Variants in SNRPG observed in about 807,000 individuals in gnomAD.
The protein encoded by SNRPG is small nuclear ribonucleoprotein G.
SNRPG carries 3 observed loss-of-function variants against 13.9 expected under a neutral mutation model. That is an observed-to-expected ratio of 0.22 (90% CI 0.10 to 0.56). The LOEUF (loss-of-function observed/expected upper bound fraction) is 0.56, where lower values mean the gene tolerates loss of function less well. SNRPG is among the 20% of genes least tolerant of loss of function. The probability of loss-of-function intolerance (pLI) is 0.93; values close to 1 mark genes in which losing one functional copy is unlikely to be tolerated. For synonymous variants in SNRPG, 29 were observed against 29.3 expected (o/e 0.99, Z 0.03); for missense variants, 34 against 96.1 (o/e 0.35, Z 2.70).
intron 1 of SNRPG, among the ~76,000 whole-genome samples, chr2:70,290,587 A>C (rs1697058618): frequency 1.3e-5 from 2 of 152,046 alleles, no homozygotes; most frequent in Non-Finnish European, 2.9e-5. Flanking sequence ...TGGGCCACGA[A>C]GTGGGGCACT....
rs545499518 is a variant in SNRPG, at chr2:70,293,487, C to G, written c.32+131G>C. 1.4e-3 allele frequency: 1,228 copies of G among 868,736 alleles called. 2 individuals carry two copies. Among genetic ancestry groups the G allele is most frequent in the Middle Eastern group, 2.6e-3 (12 of 4,596 alleles). The allele number at this position is 868,736 out of a possible 1,614,324, so 53.8% of individuals were successfully genotyped here. On this transcript the variant is annotated intron_variant, in intron 1 of 3. Coordinates refer to ENST00000272348, the MANE Select transcript of SNRPG (RefSeq NM_003096.4). The stretch of plus-strand genomic sequence containing the variant: ...TCATGCGCGGGAGCCTGGCCGGGAT[C>G]CCGGCGACCTCGGACCGGAAGAAGA...
intron 3 of SNRPG, among the ~76,000 whole-genome samples, chr2:70,285,627 A>G (rs1392940179): frequency 2.0e-5 from 3 of 152,048 alleles, no homozygotes; most frequent in Non-Finnish European, 4.4e-5. Flanking sequence ...GTTCACTACT[A>G]TCTGTGGTTT....
At chr2:70,283,122 A>ACAAAAAAC (rs1553474953) in intron 3 of SNRPG, among the ~76,000 whole-genome samples, 1 of 82,962 alleles carries the variant, frequency 1.2e-5, no homozygotes, top group Non-Finnish European at 2.5e-5. Flanking sequence ...AAAAAAAAAA[A>ACAAAAAAC]AACAACAAAC....
At chr2:70,282,818 G>A (rs1409738343) in intron 3 of SNRPG, among the ~76,000 whole-genome samples, 4 of 152,196 alleles carry the variant, frequency 2.6e-5, no homozygotes, top group African/African-American at 9.7e-5. Flanking sequence ...TTTATCGGGG[G>A]TGTGGTGGCT....
chr2:70,288,208 A>C lies in SNRPG; in HGVS notation c.56-16T>G. On this transcript the variant is annotated splice_polypyrimidine_tract_variant and intron_variant, in intron 2 of 3. Transcript: ENST00000272348. Reference sequence around the variant, plus strand: ...TTTAATTTCACTATTAAAAAGAGAAAAAGAAGTTTTAGAAAAACATTCCAT... The same window carrying C: ...TTTAATTTCACTATTAAAAAGAGAACAAGAAGTTTTAGAAAAACATTCCAT... 1 of 1,609,738 alleles carries C rather than the reference A, an allele frequency of 6.2e-7. No homozygotes were observed. The highest frequency in any genetic ancestry group is 1.3e-5 in the African/African-American group (1 of 74,986).
intron 3 of SNRPG, among the ~76,000 whole-genome samples, chr2:70,285,355 T>C (rs1029655882): frequency 6.6e-6 from 1 of 152,086 alleles, no homozygotes; most frequent in Non-Finnish European, 1.5e-5. Context: ...AGGTGGCTCA[T>C]GCGGTCAGGA....
intron 2 of SNRPG, 66 bp downstream of exon 2, chr2:70,289,284 T>C (rs1697019767): frequency 2.1e-6 from 2 of 943,378 alleles, no homozygotes; most frequent in East Asian, 5.5e-5. Flanking sequence ...GCTCCAAACA[T>C]TGCTAAGACA....
At chr2:70,286,958 GC>G (rs1361201153) in intron 3 of SNRPG, among the ~76,000 whole-genome samples, 1 of 152,152 alleles carries the variant, frequency 6.6e-6, no homozygotes, top group Non-Finnish European at 1.5e-5. Flanking sequence ...AATCATGCTG[GC>G]AGCCTTATTC....
intron 3 of SNRPG, among the ~76,000 whole-genome samples, chr2:70,283,771 A>G (rs1251275057): frequency 1.3e-5 from 2 of 152,250 alleles, no homozygotes; most frequent in African/African-American, 4.8e-5. Context: ...AGATTTAAAA[A>G]AGAATGGCTG....
intron 2 of SNRPG, among the ~76,000 whole-genome samples, chr2:70,289,035 C>T (rs1309161947): frequency 1.3e-5 from 2 of 152,172 alleles, no homozygotes; most frequent in African/African-American, 4.8e-5. Context: ...ACTGCAAACT[C>T]CGCCTCCTGG....
At chr2:70,285,196 TAAG>T (rs1230731882) in intron 3 of SNRPG, among the ~76,000 whole-genome samples, 3 of 152,188 alleles carry the variant, frequency 2.0e-5, no homozygotes, top group African/African-American at 7.2e-5. Context: ...CTTGACTTAA[TAAG>T]AAAAAGAATC....
intron 3 of SNRPG, among the ~76,000 whole-genome samples, chr2:70,283,984 G>A (rs1306239784): frequency 1.3e-5 from 2 of 152,162 alleles, no homozygotes; most frequent in Admixed American, 1.3e-4. Context: ...ACTGAGCCCA[G>A]GGAGGTTGAG....
intron 2 of SNRPG, 85 bp from the exon 3 acceptor site, chr2:70,288,277 A>G (rs909550104): frequency 1.4e-4 from 159 of 1,138,906 alleles, no homozygotes; most frequent in Non-Finnish European, 1.9e-4. Flanking sequence ...ATAAAACACA[A>G]GTATTTGAGA....
intron 1 of SNRPG, 111 bp downstream of exon 1, chr2:70,293,504 GGAA>G (rs1406528673): frequency 6.2e-6 from 6 of 967,376 alleles, no homozygotes; most frequent in African/African-American, 3.2e-5. Context: ...ACCTCGGACC[GGAA>G]GAAGAAATGA....
Position 70,288,054 on chromosome 2 carries a change from G to A in SNRPG, c.180+14C>T, listed in dbSNP as rs1010975090. 3.1e-6 allele frequency: 5 copies of A among 1,610,218 alleles called. No individual in the cohort carries two copies. Among genetic ancestry groups the A allele is most frequent in the Non-Finnish European group, 4.2e-6 (5 of 1,178,260 alleles). ...AAATGAAATCTCCAAGAGAACTCTTGTATCTTTACTTACCACCATTCCAAT... is the reference window on the plus strand; with the variant it reads ...AAATGAAATCTCCAAGAGAACTCTTATATCTTTACTTACCACCATTCCAAT... On this transcript the variant is annotated intron_variant, in intron 3 of 3. Transcript: ENST00000272348.
At chr2:70,286,716 C>T (rs1441821520) in intron 3 of SNRPG, among the ~76,000 whole-genome samples, 1 of 152,134 alleles carries the variant, frequency 6.6e-6, no homozygotes, top group Non-Finnish European at 1.5e-5. Context: ...ATGCTCTATT[C>T]CTTCTCTGAT....
intron 1 of SNRPG, among the ~76,000 whole-genome samples, chr2:70,290,139 A>G (rs913112150): frequency 6.6e-6 from 1 of 151,784 alleles, no homozygotes; most frequent in Admixed American, 6.6e-5. Flanking sequence ...GAGCTACCAC[A>G]TCTGGTCTCA....
chr2:70,283,106 A>AC (rs1696843806), intron 3 of SNRPG, among the ~76,000 whole-genome samples: 3 of 146,730 alleles, frequency 2.0e-5, no homozygotes, highest in Non-Finnish European at 3.0e-5. Context: ...CAAAAAAAAA[A>AC]AAAAAAAAAA....
intron 2 of SNRPG, among the ~76,000 whole-genome samples, chr2:70,288,604 G>A (rs532627269): frequency 5.7e-4 from 86 of 151,640 alleles, no homozygotes; most frequent in African/African-American, 2.1e-3. Flanking sequence ...CTGTACGACA[G>A]AAGTGAGATT....
Sources: gnomAD v4.1 joint callset for allele counts (sites outside exome capture counted in the v4.1 genomes callset) on GRCh38, gnomAD v4.1.1 for gene constraint, MANE v1.5 for transcripts, NCBI Gene and HGNC (gene_info 2026-07-23, HGNC 2026-07-21) for gene names.